The following SLCO1A2 variants were observed in gnomAD, a reference collection of about 807,000 sequenced individuals.
The protein encoded by SLCO1A2 is solute carrier organic anion transporter family member 1A2.
SLCO1A2 carries 67 observed loss-of-function variants against 69.0 expected under a neutral mutation model. The observed-to-expected ratio is 0.97, with a 90% CI of 0.80 to 1.19. The LOEUF (loss-of-function observed/expected upper bound fraction) is 1.19. SLCO1A2 is among the 50% of genes most tolerant of loss of function. The pLI, the probability that SLCO1A2 is intolerant of heterozygous loss-of-function variation, is 0.00. For missense variants in SLCO1A2, 787 were observed against 793.7 expected (o/e 0.99, Z 0.10); for synonymous variants, 260 against 265.9 (o/e 0.98, Z 0.22).
intron 2 of SLCO1A2, among the ~76,000 whole-genome samples, chr12:21,323,977 A>G (rs758805090): frequency 2.6e-5 from 4 of 152,202 alleles, no homozygotes; most frequent in Non-Finnish European, 4.4e-5. Context: ...GATCGGGCTC[A>G]GTGGGATGAC....
In SLCO1A2 at chr12:21,268,542, T is replaced by A. The variant is rs1942304579; in HGVS notation, c.*1006A>T. On this transcript the variant is annotated 3_prime_UTR_variant, in exon 15 of 15. Coordinates refer to ENST00000683939, the MANE Select transcript of SLCO1A2 (RefSeq NM_001386879.1). ...CTCTTCTATGTCTAAAATCCTTCAA[T>A]TTTTAATTTTATCCATAATTTACAA... 6.6e-6 allele frequency: 1 copy of A among 152,106 alleles called. No homozygotes were observed. The highest frequency in any genetic ancestry group is 1.5e-5 in the Non-Finnish European group (1 of 68,006). The allele number at this position is 152,106 out of a possible 1,614,324, so 9.4% of individuals were successfully genotyped here. A position where few individuals can be genotyped will look rare whatever the true frequency, so the allele number is the denominator to read the frequency against.
At position 21,269,492 on chromosome 12, in the gene SLCO1A2, CAATT is replaced by C. The variant is rs375722574; in HGVS notation, c.*52_*55del. The stretch of plus-strand genomic sequence containing the variant: ...ATTATATCTCTACTGATTTTTAAAA[CAATT>C]AAGTTGTACAGCATGTTCTCTAATT... On this transcript the variant is annotated 3_prime_UTR_variant, in exon 15 of 15. Transcript: ENST00000683939. The C allele has an allele frequency of 2.2e-3, 2,979 of 1,334,386 alleles. 10 individuals are homozygous for C. The highest frequency in any genetic ancestry group is 2.7e-3 in the Non-Finnish European group (2,611 of 955,164). The allele number at this position is 1,334,386 out of a possible 1,614,324, so 82.7% of individuals were successfully genotyped here. A position where few individuals can be genotyped will look rare whatever the true frequency, so the allele number is the denominator to read the frequency against.
intron 1 of SLCO1A2, among the ~76,000 whole-genome samples, chr12:21,402,385 T>C (rs1385976255): frequency 6.6e-6 from 1 of 151,972 alleles, no homozygotes; most frequent in Non-Finnish European, 1.5e-5. Context: ...AAAATGCAAA[T>C]AGACAAAAAT....
intron 13 of SLCO1A2, chr12:21,275,082 T>G (rs1034678221): frequency 1.9e-6 from 2 of 1,039,710 alleles, no homozygotes; most frequent in Non-Finnish European, 2.3e-6. Flanking sequence ...TTACCTTGTT[T>G]ATCTAGTATT....
intron 12 of SLCO1A2, among the ~76,000 whole-genome samples, chr12:21,285,012 A>G (rs1312294986): frequency 7.8e-5 from 9 of 114,978 alleles, no homozygotes; most frequent in Non-Finnish European, 1.0e-4. Context: ...AAATCAGAGC[A>G]GAACTGAAGG....
In SLCO1A2 at chr12:21,295,691, A is replaced by C; in HGVS notation, c.1177T>G (p.Trp393Gly). Residue 393 changes from tryptophan to glycine, a missense_variant, in exon 10 of 15, where the codon TGG (tryptophan) becomes GGG (glycine). Transcript: ENST00000683939. The part of the protein sequence containing the change: ...TVKQAAHIGC[W>G]LSLLEYLLYF... The stretch of plus-strand genomic sequence containing the variant: ...AGAAGATACTCAAGTAAGGATAACC[A>C]ACATCCTATGTGGGCAGCTTGTTTG... The C allele has an allele frequency of 6.2e-7, 1 of 1,608,000 alleles. No homozygotes were observed.
chr12:21,299,714 C>T (rs1191301238), intron 8 of SLCO1A2, among the ~76,000 whole-genome samples: 2 of 148,292 alleles, frequency 1.3e-5, no homozygotes. Context: ...TTCAATTCAA[C>T]CTATGTTCTC....
In SLCO1A2 at chr12:21,343,881, C is replaced by T. The variant is rs146779448; in HGVS notation, c.-62-9172G>A. ...TTTTGCAATACCTTTCAAATCACACCCACTAGATGGACACTTACTGTGTCT... is the reference window on the plus strand; with the variant it reads ...TTTTGCAATACCTTTCAAATCACACTCACTAGATGGACACTTACTGTGTCT... On this transcript the variant is annotated intron_variant, in intron 2 of 15. Coordinates refer to the SLCO1A2 transcript ENST00000307378. Among the ~76,000 whole-genome samples, 31 of 152,078 alleles carry T rather than the reference C, an allele frequency of 2.0e-4. 1 individual carries two copies. In the East Asian group the frequency reaches 5.8e-3, roughly 29 times the overall value.
At chr12:21,378,626 G>A in intron 1 of SLCO1A2, 4 of 517,304 alleles carry the variant, frequency 7.7e-6, no homozygotes, top group Middle Eastern at 5.2e-4. Context: ...CTTTTAAAAT[G>A]AAATGTTTTT....
rs1196216160 is a variant in SLCO1A2 at position 21,269,565 on chromosome 12, A to G, written c.1996T>C (p.Leu666=). The change falls in exon 15 of 15, where the codon TTG becomes CTG. Residue 666 remains leucine (L), a synonymous_variant. Coordinates refer to ENST00000683939, the MANE Select transcript of SLCO1A2 (RefSeq NM_001386879.1). ...QKSTVLKDDE[L]KTKL is the part of the protein sequence containing the mutation. The stretch of plus-strand genomic sequence containing the variant: ...TAGGACAATTACAATTTAGTTTTCA[A>G]TTCATCATCTTTCAAAACCGTGGAC... 3.1e-6 allele frequency: 5 copies of G among 1,610,588 alleles called. No homozygotes were observed. Among genetic ancestry groups the G allele is most frequent in the Non-Finnish European group, 4.2e-6 (5 of 1,177,892 alleles).
At chr12:21,299,763 TAC>T (rs1491391476) in intron 8 of SLCO1A2, among the ~76,000 whole-genome samples, 40 of 128,262 alleles carry the variant, frequency 3.1e-4, no homozygotes, top group African/African-American at 1.3e-3. Flanking sequence ...ACCATATATA[TAC>T]GTGTGTATAT....
chr12:21,382,522 A>T (rs1196337026), intron 1 of SLCO1A2, among the ~76,000 whole-genome samples: 3 of 152,078 alleles, frequency 2.0e-5, no homozygotes, highest in Admixed American at 2.0e-4. Flanking sequence ...AAAATGGCTG[A>T]TGCGGTGGTT....
In SLCO1A2 at chr12:21,304,534, A is replaced by G. The variant is rs144919040; in HGVS notation, c.482T>C (p.Val161Ala). 140 of 1,613,044 alleles carry G rather than the reference A, an allele frequency of 8.7e-5. No homozygotes were observed. The highest frequency in any genetic ancestry group is 3.3e-5 in the Admixed American group (2 of 59,956). Residue 161 changes from valine to alanine, a missense_variant, in exon 6 of 15, where the codon GTC (valine) becomes GCC (alanine). By Grantham distance (64) the Val-to-Ala change is moderately conservative (BLOSUM62 0). Transcript: ENST00000683939. ...KEVKSLMWVY[V>A]LVGNIVRGMG... ...TCCACGTACAATATTGCCTACTAGG[A>G]CGTACACCCACATTAATGATTTAAC...
intron 2 of SLCO1A2, among the ~76,000 whole-genome samples, chr12:21,322,471 C>T (rs937605435): frequency 4.6e-5 from 7 of 152,094 alleles, no homozygotes; most frequent in African/African-American, 7.2e-5. Context: ...CAGGACAACC[C>T]GAAGCAGGGG....
intron 2 of SLCO1A2, among the ~76,000 whole-genome samples, chr12:21,368,131 C>T (rs1000405889): frequency 6.6e-6 from 1 of 152,046 alleles, no homozygotes; most frequent in Admixed American, 6.5e-5. Context: ...TTTTTAACCT[C>T]ATAAAAGATA....
In SLCO1A2 at chr12:21,355,093, A is replaced by C. The variant is rs183701217; in HGVS notation, c.-63+19306T>G. ...AAAAAAATCAACTTAACACAAAGATACAAAGATACTACTTTTCTTTATCAT... is the reference window on the plus strand; with the variant it reads ...AAAAAAATCAACTTAACACAAAGATCCAAAGATACTACTTTTCTTTATCAT... On this transcript the variant is annotated intron_variant, in intron 2 of 15. Coordinates refer to the SLCO1A2 transcript ENST00000307378. The C allele has an allele frequency of 4.6e-5, 7 of 152,330 alleles. No individual in the cohort carries two copies. The East Asian group carries it at 1.2e-3, about 25-fold the overall frequency. 9.4% of individuals were successfully genotyped at this position (152,330 alleles called of 1,614,324 possible).
chr12:21,322,813 G>A (rs1447010582), intron 2 of SLCO1A2, among the ~76,000 whole-genome samples: 2 of 152,118 alleles, frequency 1.3e-5, no homozygotes, highest in Non-Finnish European at 2.9e-5. Flanking sequence ...GAATGCCTTT[G>A]GCTGAGAGGA....
At chr12:21,297,704 T>G in intron 8 of SLCO1A2, 136 bp from the exon 9 acceptor site, 1 of 610,906 alleles carries the variant, frequency 1.6e-6, no homozygotes, top group South Asian at 2.6e-5. Context: ...CTAATTCTTT[T>G]TTCCCCTTGA....
At chr12:21,285,197 T>A (rs1269865319) in intron 12 of SLCO1A2, among the ~76,000 whole-genome samples, 2 of 151,060 alleles carry the variant, frequency 1.3e-5, no homozygotes, top group African/African-American at 4.9e-5. Context: ...CCCACAGAAA[T>A]ACAAACTACC....
Sources: allele counts gnomAD v4.1 joint callset (sites outside exome capture counted in the v4.1 genomes callset), GRCh38; gene constraint gnomAD v4.1.1; transcripts MANE v1.5; gene names NCBI Gene and HGNC (gene_info 2026-07-23, HGNC 2026-07-21).